Variants in UBE3D observed in about 807,000 individuals in gnomAD.
UBE3D encodes the protein E3 ubiquitin-protein ligase E3D.
UBE3D carries 48 observed loss-of-function variants against 49.6 expected under a neutral mutation model. That is an observed-to-expected ratio of 0.97 (90% confidence interval 0.77 to 1.23). The LOEUF (loss-of-function observed/expected upper bound fraction) is 1.23, where lower values mean the gene tolerates loss of function less well. Ranked by LOEUF, UBE3D falls within the 50% of genes most tolerant of loss-of-function variation. UBE3D has a pLI of 0.00. For synonymous variants in UBE3D, 189 were observed against 174.2 expected (o/e 1.08, Z -0.67); for missense variants, 452 against 468.4 (o/e 0.96, Z 0.32).
chr6:82,919,303 C>A (rs1196321309), intron 9 of UBE3D, among the ~76,000 whole-genome samples: 1 of 151,826 alleles, frequency 6.6e-6, no homozygotes, highest in East Asian at 1.9e-4. Context: ...AGTGGCTGGC[C>A]TTAGAAGTAT....
chr6:83,015,151 T>C (rs997891622), intron 8 of UBE3D, among the ~76,000 whole-genome samples: 21 of 152,318 alleles, frequency 1.4e-4, no homozygotes, highest in African/African-American at 5.1e-4. Context: ...CACTGTTAGA[T>C]CTGATATACA....
intron 3 of UBE3D, among the ~76,000 whole-genome samples, chr6:83,053,876 G>T (rs531506088): frequency 1.2e-3 from 181 of 152,254 alleles, no homozygotes; most frequent in African/African-American, 4.2e-3. Flanking sequence ...TTTCAGGAGG[G>T]AGGTGCTTCA....
chr6:82,977,930 AC>A lies in UBE3D; in HGVS notation c.1011-20481del, dbSNP rs1363016599. Among the ~76,000 whole-genome samples the A allele has an allele frequency of 1.9e-4, 29 of 152,298 alleles. No individual in the cohort carries two copies. In the East Asian group the frequency reaches 5.6e-3, roughly 29 times the overall value. On this transcript the variant is annotated intron_variant, in intron 8 of 9. Transcript: ENST00000369747. ...AGACTCATCAAACCTGAACATACCT[AC>A]AAAAAAGCTGAACATATTTCAAGAT...
chr6:82,930,711 T>A (rs929686350), intron 9 of UBE3D, among the ~76,000 whole-genome samples: 1 of 152,038 alleles, frequency 6.6e-6, no homozygotes, highest in South Asian at 2.1e-4. Flanking sequence ...AACTTTGAAG[T>A]TGAGAGATAT....
intron 9 of UBE3D, among the ~76,000 whole-genome samples, chr6:82,928,681 C>T (rs1386028715): frequency 6.6e-6 from 1 of 152,088 alleles, no homozygotes; most frequent in Non-Finnish European, 1.5e-5. Context: ...TAAATGTTGG[C>T]TCTCATTATA....
intron 9 of UBE3D, among the ~76,000 whole-genome samples, chr6:82,914,242 C>T (rs1772747097): frequency 6.6e-6 from 1 of 152,070 alleles, no homozygotes; most frequent in Non-Finnish European, 1.5e-5. Context: ...TTAGAAAGGG[C>T]TTAGGTCTGA....
At chr6:82,964,360 T>C (rs2127783816) in intron 8 of UBE3D, among the ~76,000 whole-genome samples, 1 of 152,156 alleles carries the variant, frequency 6.6e-6, no homozygotes, top group Non-Finnish European at 1.5e-5. Flanking sequence ...AAAATGACAA[T>C]AGAAATGATA....
chr6:82,964,369 T>G (rs1487321254), intron 8 of UBE3D, among the ~76,000 whole-genome samples: 1 of 152,138 alleles, frequency 6.6e-6, no homozygotes, highest in African/African-American at 2.4e-5. Flanking sequence ...ATAGAAATGA[T>G]ATAACAACTC....
intron 4 of UBE3D, among the ~76,000 whole-genome samples, chr6:83,041,977 T>C (rs145240851): frequency 0.041 from 6,305 of 152,236 alleles, 229 homozygotes; most frequent in Admixed American, 0.11. Flanking sequence ...TGGTGCAATC[T>C]TGGCTCACTG....
chr6:82,942,056 GA>G (rs1201260918), intron 9 of UBE3D, among the ~76,000 whole-genome samples: 8 of 152,210 alleles, frequency 5.3e-5, no homozygotes, highest in Non-Finnish European at 1.0e-4. Context: ...GGGCTCAGAG[GA>G]AGACAGGAAG....
At chr6:82,887,269 A>G in the UBE3D span, among the ~76,000 whole-genome samples, 1 of 146,784 alleles carries the variant, frequency 6.8e-6, no homozygotes, top group Admixed American at 6.9e-5. Flanking sequence ...CAGTGAGCTG[A>G]GATTGTGCTA....
chr6:82,985,768 C>T lies in UBE3D; in HGVS notation c.1011-28318G>A, dbSNP rs562758097. Among the ~76,000 whole-genome samples, 3 of 152,238 alleles carry T rather than the reference C, an allele frequency of 2.0e-5. No homozygotes were observed. In the East Asian group the frequency reaches 5.8e-4, roughly 29 times the overall value. On this transcript the variant is annotated intron_variant, in intron 8 of 9. Coordinates refer to ENST00000369747, the MANE Select transcript of UBE3D (RefSeq NM_198920.3). Reference sequence around the variant, plus strand: ...TTGCATTTATCTCAGCACCCCAACGCTAATTATTATAAATTCTACATTTCC... The same window carrying T: ...TTGCATTTATCTCAGCACCCCAACGTTAATTATTATAAATTCTACATTTCC...
At chr6:83,011,107 A>G (rs937677189) in intron 8 of UBE3D, among the ~76,000 whole-genome samples, 2 of 152,220 alleles carry the variant, frequency 1.3e-5, no homozygotes, top group African/African-American at 4.8e-5. Context: ...AAATGCACCA[A>G]TCCCCAACCC....
At chr6:83,017,812 C>T (rs1387904119) in intron 8 of UBE3D, 1 of 151,988 alleles carries the variant, frequency 6.6e-6, no homozygotes, top group Non-Finnish European at 1.5e-5. Flanking sequence ...CATACAAGAT[C>T]ACAACACTAA....
chr6:82,914,711 A>T (rs968434493), intron 9 of UBE3D, among the ~76,000 whole-genome samples: 7 of 152,148 alleles, frequency 4.6e-5, no homozygotes, highest in African/African-American at 1.7e-4. Context: ...TTTTTGAAAA[A>T]ATAATTTATA....
At chr6:83,049,594 A>G in intron 3 of UBE3D, 2 of 309,690 alleles carry the variant, frequency 6.5e-6, no homozygotes, top group Non-Finnish European at 6.8e-6. Context: ...AAGTGGATCA[A>G]TCAAGTGGTT....
intron 9 of UBE3D, among the ~76,000 whole-genome samples, chr6:82,933,582 G>A (rs1203169928): frequency 6.6e-6 from 1 of 152,202 alleles, no homozygotes; most frequent in Non-Finnish European, 1.5e-5. Context: ...TAGGTAGAGT[G>A]TAGTGGTAAA....
chr6:83,007,901 A>G (rs1243314346), intron 8 of UBE3D, among the ~76,000 whole-genome samples: 2 of 152,086 alleles, frequency 1.3e-5, no homozygotes, highest in Non-Finnish European at 2.9e-5. Flanking sequence ...GCCGAGATTG[A>G]CCCACTACAC....
intron 9 of UBE3D, among the ~76,000 whole-genome samples, chr6:82,903,551 G>A (rs541818063): frequency 2.6e-5 from 4 of 152,106 alleles, no homozygotes; most frequent in Non-Finnish European, 5.9e-5. Flanking sequence ...ATTATGACTT[G>A]GAATAATTAA....
Sources: gnomAD v4.1 joint callset for allele counts (sites outside exome capture counted in the v4.1 genomes callset) on GRCh38, gnomAD v4.1.1 for gene constraint, MANE v1.5 for transcripts, NCBI Gene and HGNC (gene_info 2026-07-23, HGNC 2026-07-21) for gene names.